CTNNA3: variants seen among roughly 807,000 people sequenced by gnomAD.
CTNNA3 encodes the protein catenin alpha 3.
Under a neutral mutation model 95.7 loss-of-function variants are expected in CTNNA3, and 76 were observed. The ratio of observed to expected loss-of-function variants is 0.79; its 90% CI spans 0.66 to 0.96. CTNNA3 has a LOEUF of 0.96. Ranked by LOEUF, CTNNA3 falls within the 40% of genes least tolerant of loss-of-function variation. The pLI is 0.00. For synonymous variants in CTNNA3, 431 were observed against 374.4 expected (o/e 1.15, Z -1.74); for missense variants, 1,191 against 1,089.8 (o/e 1.09, Z -1.31).
At chr10:67,017,755 G>GCT (rs1852749205) in intron 7 of CTNNA3, among the ~76,000 whole-genome samples, 2 of 150,528 alleles carry the variant, frequency 1.3e-5, no homozygotes, top group African/African-American at 4.9e-5. Context: ...GTGTGTGTGC[G>GCT]CGCGTACAAT....
chr10:67,597,429 G>A (rs926052903), intron 3 of CTNNA3, among the ~76,000 whole-genome samples: 2 of 152,106 alleles, frequency 1.3e-5, no homozygotes, highest in African/African-American at 4.8e-5. Context: ...CCTTTGGATC[G>A]AGCTTTTTGC....
chr10:66,777,804 C>T (rs1486672813), intron 7 of CTNNA3, among the ~76,000 whole-genome samples: 1 of 150,372 alleles, frequency 6.7e-6, no homozygotes, highest in African/African-American at 2.4e-5. Context: ...CACATGCACA[C>T]ACACACACAC....
At chr10:66,043,076 T>G (rs1426562063) in intron 15 of CTNNA3, among the ~76,000 whole-genome samples, 1 of 136,378 alleles carries the variant, frequency 7.3e-6, no homozygotes, top group Non-Finnish European at 1.6e-5. Context: ...AAACAGAAGG[T>G]GTGTTGACAA....
intron 12 of CTNNA3, among the ~76,000 whole-genome samples, chr10:66,333,558 C>G (rs1287451534): frequency 2.0e-5 from 3 of 152,036 alleles, no homozygotes; most frequent in Non-Finnish European, 4.4e-5. Context: ...TTTCTTAATG[C>G]TGAGTTCGAG....
chr10:66,531,338 T>C (rs967523589), intron 10 of CTNNA3, among the ~76,000 whole-genome samples: 1 of 152,164 alleles, frequency 6.6e-6, no homozygotes, highest in Non-Finnish European at 1.5e-5. Context: ...ATCATTAAAA[T>C]GCTTGTTACA....
intron 7 of CTNNA3, among the ~76,000 whole-genome samples, chr10:66,869,480 T>C (rs1844310982): frequency 6.6e-6 from 1 of 151,870 alleles, no homozygotes; most frequent in Admixed American, 6.6e-5. Context: ...GGCTGAGACA[T>C]GAGAATCACT....
intron 7 of CTNNA3, among the ~76,000 whole-genome samples, chr10:66,985,816 C>T (rs773261560): frequency 6.6e-6 from 1 of 152,248 alleles, no homozygotes; most frequent in East Asian, 1.9e-4. Context: ...CAATCTTCAC[C>T]TCCTGGGTTC....
rs1376976545 is a variant in CTNNA3, at chr10:67,302,066, A to C, written c.580-82196T>G. 6.5e-5 allele frequency among the ~76,000 whole-genome samples: 6 copies of C among 91,748 alleles called. 1 individual carries two copies. The highest frequency in any genetic ancestry group is 3.9e-4 in the African/African-American group (6 of 15,490). The allele number at this position is 91,748 out of a possible 152,430, so 60.2% of individuals were successfully genotyped here. A position where few individuals can be genotyped will look rare whatever the true frequency, so the allele number is the denominator to read the frequency against. ...AAGAAAGAAAGAAAGAAAGAAAGAA[A>C]GAAAGAAAGAAAGAAAGAAAGAAAG... On this transcript the variant is annotated intron_variant, in intron 5 of 17. Coordinates refer to ENST00000433211, the MANE Select transcript of CTNNA3 (RefSeq NM_013266.4).
chr10:67,121,567 A>G (rs531724116), intron 7 of CTNNA3, among the ~76,000 whole-genome samples: 5 of 152,202 alleles, frequency 3.3e-5, no homozygotes, highest in Admixed American at 6.6e-5. Context: ...AGTTGAAAGT[A>G]TCATGTTTGG....
intron 5 of CTNNA3, among the ~76,000 whole-genome samples, chr10:67,500,599 T>A (rs1263346573): frequency 6.6e-6 from 1 of 152,232 alleles, no homozygotes; most frequent in Admixed American, 6.5e-5. Context: ...GTTTTATGAA[T>A]CTGGGTGCTC....
intron 7 of CTNNA3, among the ~76,000 whole-genome samples, chr10:66,996,854 T>C (rs1352009751): frequency 6.6e-6 from 1 of 152,094 alleles, no homozygotes; most frequent in East Asian, 1.9e-4. Flanking sequence ...AACAATTCCA[T>C]GTGAACTAAC....
rs1318948173 is a variant in CTNNA3, at chr10:67,647,501, T to A, written c.13A>T (p.Thr5Ser). Residue 5 changes from threonine (T) to serine (S), a missense_variant, in exon 2 of 18, where the codon ACA becomes TCA. Physicochemically the swap from Thr to Ser is moderately conservative, Grantham distance 58 (BLOSUM62 1). Coordinates refer to ENST00000433211, the MANE Select transcript of CTNNA3 (RefSeq NM_013266.4). ...GGATCGATATTCAATGTGATTGGTG[T>A]TTCAGCTGACATGCTGCCTGTGCAC... The part of the protein sequence containing the change: MSAE[T>S]PITLNIDPQD... The A allele has an allele frequency of 6.2e-7, 1 of 1,613,218 alleles. No individual in the cohort carries two copies. Among genetic ancestry groups the A allele is most frequent in the Non-Finnish European group, 8.5e-7 (1 of 1,179,372 alleles).
At chr10:66,758,468 G>T (rs1012535979) in intron 9 of CTNNA3, among the ~76,000 whole-genome samples, 14 of 152,280 alleles carry the variant, frequency 9.2e-5, no homozygotes, top group African/African-American at 3.4e-4. Flanking sequence ...CATCCCCAAA[G>T]TGCATGATCA....
intron 13 of CTNNA3, among the ~76,000 whole-genome samples, chr10:66,227,172 AT>A: frequency 6.6e-6 from 1 of 152,100 alleles, no homozygotes; most frequent in African/African-American, 2.4e-5. Context: ...GCTGCACTTT[AT>A]TCCTTTCTCT....
chr10:66,127,271 CAAAAAA>C (rs35884096), intron 13 of CTNNA3, among the ~76,000 whole-genome samples: 1 of 74,156 alleles, frequency 1.3e-5, no homozygotes. Flanking sequence ...GACTCTGTCT[CAAAAAA>C]AAAAAAAAAA....
At chr10:66,018,405 A>G (rs963558412) in intron 15 of CTNNA3, among the ~76,000 whole-genome samples, 1 of 152,116 alleles carries the variant, frequency 6.6e-6, no homozygotes, top group Non-Finnish European at 1.5e-5. Context: ...ATGTGAAAGC[A>G]TTGTAAATTT....
At chr10:67,137,541 A>T (rs771868902) in intron 7 of CTNNA3, among the ~76,000 whole-genome samples, 9 of 152,172 alleles carry the variant, frequency 5.9e-5, no homozygotes, top group Non-Finnish European at 1.3e-4. Context: ...AAAAAGTTTT[A>T]GTTTTGTAAC....
At chr10:66,539,656 GAAT>G (rs1490725413) in intron 10 of CTNNA3, among the ~76,000 whole-genome samples, 3 of 152,130 alleles carry the variant, frequency 2.0e-5, no homozygotes, top group African/African-American at 7.2e-5. Context: ...TCTGGCTAAA[GAAT>G]AATGTTAGTG....
chr10:66,375,901 C>T (rs1464667115), intron 12 of CTNNA3, among the ~76,000 whole-genome samples: 1 of 152,118 alleles, frequency 6.6e-6, no homozygotes, highest in African/African-American at 2.4e-5. Context: ...ACACACTTTC[C>T]AGTCTCGGCC....
Sources: allele counts gnomAD v4.1 joint callset (sites outside exome capture counted in the v4.1 genomes callset), GRCh38; gene constraint gnomAD v4.1.1; transcripts MANE v1.5; gene names NCBI Gene and HGNC (gene_info 2026-07-23, HGNC 2026-07-21).